The following CA5B variants were observed in gnomAD, a reference collection of about 807,000 sequenced individuals.
CA5B encodes carbonic anhydrase 5B, mitochondrial.
CA5B carries 15 observed loss-of-function variants against 23.1 expected under a neutral mutation model. The ratio of observed to expected loss-of-function variants is 0.65; its 90% CI spans 0.43 to 1.00. The LOEUF (loss-of-function observed/expected upper bound fraction) is 1.00, where lower values mean the gene tolerates loss of function less well. CA5B is among the 50% of genes least tolerant of loss of function. The pLI, the probability that CA5B is intolerant of heterozygous loss-of-function variation, is 0.00. For missense variants in CA5B, 236 were observed against 252.2 expected (o/e 0.94, Z 0.43); for synonymous variants, 84 against 98.5 (o/e 0.85, Z 0.87).
intron 1 of CA5B, among the ~76,000 whole-genome samples, chrX:15,743,269 G>A (rs898387955): frequency 8.9e-6 from 1 of 112,175 alleles, no homozygotes; most frequent in Non-Finnish European, 1.9e-5. Flanking sequence ...TTCTCAGCGA[G>A]GCCTCCTGTG....
intron 1 of CA5B, among the ~76,000 whole-genome samples, chrX:15,739,155 A>T (rs759220950): frequency 4.5e-5 from 5 of 112,074 alleles, no homozygotes; most frequent in African/African-American, 1.6e-4. Flanking sequence ...AGTTTGAGAG[A>T]TAAGGGGAGT....
In CA5B at chrX:15,782,787, A is replaced by G. The variant is rs776091107; in HGVS notation, c.*123A>G. On this transcript the variant is annotated 3_prime_UTR_variant, in exon 8 of 8. Transcript: ENST00000318636. ...TATTTACAGATGTGCATTTCTTAGC[A>G]TGAGAGTGCTTCATCAGTCTTTGAG... is the stretch of plus-strand genomic sequence containing the variant. 8 of 520,881 alleles carry G rather than the reference A, an allele frequency of 1.5e-5. No individual in the cohort carries two copies. The South Asian group carries it at 3.5e-4, about 23-fold the overall frequency. 42.9% of individuals were successfully genotyped at this position (520,881 alleles called of 1,213,427 possible).
rs191802281 is a variant in CA5B at position 15,751,519 on chromosome X, G to A, written c.142+1354G>A. ...CACTTTGTGGTCTATGGTTTATATT[G>A]GAAAGTATTAATAGTTTTGCTTTTT... On this transcript the variant is annotated intron_variant, in intron 2 of 7. Transcript: ENST00000318636. 2.4e-3 allele frequency among the ~76,000 whole-genome samples: 268 copies of A among 109,561 alleles called. 1 individual carries two copies. Among genetic ancestry groups the A allele is most frequent in the African/African-American group, 8.7e-3 (260 of 29,833 alleles).
At position 15,782,443 on chromosome X, in the gene CA5B, T is replaced by TAA. The variant is rs754433007; in HGVS notation, c.775-42_775-41insAA. 11 of 1,135,893 alleles carry TAA rather than the reference T, an allele frequency of 9.7e-6. No individual in the cohort carries two copies. In the South Asian group the frequency reaches 2.1e-4, roughly 21 times the overall value. 93.6% of individuals were successfully genotyped at this position (1,135,893 alleles called of 1,213,427 possible). On this transcript the variant is annotated intron_variant, in intron 7 of 7. Coordinates refer to ENST00000318636, the MANE Select transcript of CA5B (RefSeq NM_007220.4). ...TAATTTATTCACGAGGTAAAGCGAG[T>TAA]TTTCTGTTGAAATTATTTATGCTTT...
Position 15,746,577 on chromosome X carries a change from CAG to C in CA5B, c.-53-3393_-53-3392del, listed in dbSNP as rs1293019444. Among the ~76,000 whole-genome samples the C allele has an allele frequency of 4.5e-5, 5 of 111,593 alleles. 1 individual carries two copies. Among genetic ancestry groups the C allele is most frequent in the Non-Finnish European group, 9.4e-5 (5 of 53,159 alleles). On this transcript the variant is annotated intron_variant, in intron 1 of 7. Coordinates refer to ENST00000318636, the MANE Select transcript of CA5B (RefSeq NM_007220.4). ...CCTGGACAGAATCGATTTACCAAGA[CAG>C]GGGAATTGCAATGGAGAAAGAGTAA...
chrX:15,749,568 G>A (rs942737102), intron 1 of CA5B, among the ~76,000 whole-genome samples: 1 of 111,165 alleles, frequency 9.0e-6, no homozygotes, highest in Non-Finnish European at 1.9e-5. Context: ...TAGTCAGCCT[G>A]GAGGGAGCTT....
At chrX:15,778,871 A>G (rs936795591) in intron 7 of CA5B, among the ~76,000 whole-genome samples, 13 of 110,900 alleles carry the variant, frequency 1.2e-4, no homozygotes, top group African/African-American at 3.9e-4. Flanking sequence ...CCCTCCCCTG[A>G]CACAGGGGGA....
chrX:15,776,849 G>A lies in CA5B; in HGVS notation c.754G>A (p.Val252Ile). 4.1e-6 allele frequency: 5 copies of A among 1,209,736 alleles called. No individual in the cohort carries two copies. Among genetic ancestry groups the A allele is most frequent in the Non-Finnish European group, 4.5e-6 (4 of 893,889 alleles). The change falls in exon 7 of 8, where the codon GTA becomes ATA. Residue 252 changes from valine (V) to isoleucine (I), a missense_variant. Physicochemically the swap from Val to Ile is conservative, Grantham distance 29 (BLOSUM62 3). Around this residue, in one of 3 missense-constraint regions of CA5B, gnomAD observed 170 missense variants for 162.0 expected, o/e 1.05. Coordinates refer to ENST00000318636, the MANE Select transcript of CA5B (RefSeq NM_007220.4). ...SVTWIIKKQP[V>I]EVDHDQLEQF... Reference sequence around the variant, plus strand: ...CACCTGGATCATTAAGAAGCAACCAGTAGAGGTTGATCATGATCAGGTATG... The same window carrying A: ...CACCTGGATCATTAAGAAGCAACCAATAGAGGTTGATCATGATCAGGTATG...
chrX:15,777,061 AAC>A (rs1931946107), intron 7 of CA5B, among the ~76,000 whole-genome samples, 192 bp downstream of exon 7: 1 of 112,508 alleles, frequency 8.9e-6, no homozygotes, highest in Non-Finnish European at 1.9e-5. Flanking sequence ...GAAGAGTTAA[AAC>A]ACAGAAGAAC....
intron 3 of CA5B, chrX:15,769,565 T>C (rs1258182797): frequency 5.6e-5 from 42 of 752,326 alleles, no homozygotes; most frequent in Non-Finnish European, 6.6e-5. Context: ...CCTGCTTCCC[T>C]GACTTTACAC....
At chrX:15,760,455 C>G (rs1931582266) in intron 2 of CA5B, among the ~76,000 whole-genome samples, 1 of 111,232 alleles carries the variant, frequency 9.0e-6, no homozygotes, top group Admixed American at 9.6e-5. Context: ...GGAAGCTGAA[C>G]TTGTAAACTC....
intron 2 of CA5B, among the ~76,000 whole-genome samples, chrX:15,756,179 G>A (rs1034522144): frequency 3.6e-5 from 4 of 112,149 alleles, no homozygotes; most frequent in Admixed American, 9.5e-5. Flanking sequence ...AGGAACAAAC[G>A]AATAACAGAT....
chrX:15,757,914 T>C (rs1245050445), intron 2 of CA5B, among the ~76,000 whole-genome samples: 2 of 110,893 alleles, frequency 1.8e-5, no homozygotes, highest in Non-Finnish European at 3.8e-5. Context: ...CAACTTGATA[T>C]ACTGTTTTTA....
chrX:15,771,119 G>A (rs1339324588), intron 3 of CA5B, among the ~76,000 whole-genome samples: 1 of 96,140 alleles, frequency 1.0e-5, no homozygotes, highest in Non-Finnish European at 2.0e-5. Flanking sequence ...TGTAATCCCA[G>A]CACTTTGGGA....
chrX:15,752,960 A>C, intron 2 of CA5B, among the ~76,000 whole-genome samples: 1 of 111,430 alleles, frequency 9.0e-6, no homozygotes, highest in Non-Finnish European at 1.9e-5. Flanking sequence ...CAACCAGAAA[A>C]TGTTTAAATT....
intron 4 of CA5B, 31 bp from the exon 5 acceptor site, chrX:15,774,271 A>G (rs911598245): frequency 8.4e-6 from 10 of 1,188,060 alleles, no homozygotes; most frequent in Non-Finnish European, 1.1e-5. Context: ...CTGTATAGTC[A>G]CGTGTTAACC....
At chrX:15,740,170 A>G (rs1268262786) in intron 1 of CA5B, among the ~76,000 whole-genome samples, 1 of 112,103 alleles carries the variant, frequency 8.9e-6, no homozygotes, top group African/African-American at 3.2e-5. Context: ...ATAAATCATC[A>G]GTGATGGCAA....
chrX:15,746,475 A>G (rs1323127073), intron 1 of CA5B, among the ~76,000 whole-genome samples: 1 of 111,641 alleles, frequency 9.0e-6, no homozygotes, highest in Non-Finnish European at 1.9e-5. Flanking sequence ...TAACCACTCA[A>G]GGGATTCTTC....
rs190963168 is a variant in CA5B at position 15,752,387 on chromosome X, A to G, written c.142+2222A>G. Among the ~76,000 whole-genome samples the G allele has an allele frequency of 6.2e-5, 7 of 112,179 alleles. No individual in the cohort carries two copies. The Admixed American group carries it at 6.6e-4, about 11-fold the overall frequency. Reference sequence around the variant, plus strand: ...ACATGTTTCTTTGCCATGTTTTGAAATAGCCCTGCAAAGCTGTTCTGCATG... The same window carrying G: ...ACATGTTTCTTTGCCATGTTTTGAAGTAGCCCTGCAAAGCTGTTCTGCATG... On this transcript the variant is annotated intron_variant, in intron 2 of 7. Coordinates refer to ENST00000318636, the MANE Select transcript of CA5B (RefSeq NM_007220.4).
Sources: gnomAD v4.1 joint callset for allele counts (sites outside exome capture counted in the v4.1 genomes callset) on GRCh38, gnomAD v4.1.1 for gene constraint, gnomAD v4.1.1 regional missense constraint, MANE v1.5 for transcripts, NCBI Gene and HGNC (gene_info 2026-07-23, HGNC 2026-07-21) for gene names.